C3orf20: variants seen among roughly 807,000 people sequenced by gnomAD.
C3orf20 encodes the protein family with sequence similarity 149 member C.
In C3orf20, 76 loss-of-function variants were observed where a neutral mutation model predicts 88.3. The observed-to-expected ratio is 0.86, with a 90% CI of 0.72 to 1.04. The LOEUF is 1.04. C3orf20 is among the 50% of genes least tolerant of loss of function. The pLI, the probability that C3orf20 is intolerant of heterozygous loss-of-function variation, is 0.00. For synonymous variants in C3orf20, 436 were observed against 437.4 expected, an observed-to-expected ratio of 1.00 and a Z score of 0.04; for missense variants, 1,056 against 1,123.3, an observed-to-expected ratio of 0.94 and a Z score of 0.86.
intron 9 of C3orf20, among the ~76,000 whole-genome samples, chr3:14,715,887 T>A (rs1559416510): frequency 6.6e-6 from 1 of 152,150 alleles, no homozygotes; most frequent in Non-Finnish European, 1.5e-5. Flanking sequence ...AAACTCTTTT[T>A]TCATTCATTT....
At chr3:14,692,633 G>A (rs114829709) in intron 5 of C3orf20, among the ~76,000 whole-genome samples, 31 of 151,924 alleles carry the variant, frequency 2.0e-4, no homozygotes, top group African/African-American at 5.8e-4. Flanking sequence ...ATATATTCTC[G>A]TCTGGTCAAA....
intron 1 of C3orf20, among the ~76,000 whole-genome samples, chr3:14,681,204 C>T (rs1235758175): frequency 6.6e-6 from 1 of 152,230 alleles, no homozygotes; most frequent in African/African-American, 2.4e-5. Flanking sequence ...TGATAGCCTT[C>T]TCACCACTGG....
chr3:14,696,658 G>C (rs368686738), intron 5 of C3orf20, among the ~76,000 whole-genome samples: 1 of 151,792 alleles, frequency 6.6e-6, no homozygotes, highest in Non-Finnish European at 1.5e-5. Flanking sequence ...AATTATAGGC[G>C]TGAGCCACCA....
At chr3:14,711,201 G>A (rs931564349) in intron 7 of C3orf20, among the ~76,000 whole-genome samples, 7 of 152,282 alleles carry the variant, frequency 4.6e-5, no homozygotes, top group Non-Finnish European at 7.4e-5. Context: ...AGCGGCCTAA[G>A]TCCTCTATTT....
At position 14,772,883 on chromosome 3, in the gene C3orf20, C is replaced by T. The variant is rs1356170289; in HGVS notation, c.*8C>T. 2 of 1,612,038 alleles carry T rather than the reference C, an allele frequency of 1.2e-6. No individual in the cohort carries two copies. Among genetic ancestry groups the T allele is most frequent in the Admixed American group, 1.7e-5 (1 of 60,024 alleles). On this transcript the variant is annotated 3_prime_UTR_variant, in exon 17 of 17. Transcript: ENST00000253697. The surrounding 1 kb of genome is among the most constrained non-coding windows in gnomAD (Gnocchi z 4.2). ...CAGGCCTCCAAGAAGTAGCGCCATCCTGGCAGCAGCCAAGTGAGCCAGGCC... is the reference window on the plus strand; with the variant it reads ...CAGGCCTCCAAGAAGTAGCGCCATCTTGGCAGCAGCCAAGTGAGCCAGGCC...
intron 7 of C3orf20, among the ~76,000 whole-genome samples, chr3:14,706,439 C>A (rs1207968680): frequency 6.6e-6 from 1 of 151,854 alleles, no homozygotes; most frequent in Non-Finnish European, 1.5e-5. Context: ...CTATCAGGGG[C>A]ATCAGAAAGG....
chr3:14,734,571 C>G (rs942358748), intron 12 of C3orf20, among the ~76,000 whole-genome samples: 1 of 151,958 alleles, frequency 6.6e-6, no homozygotes, highest in African/African-American at 2.4e-5. Context: ...TAATTTCAAC[C>G]CTCTGTAATT....
At chr3:14,709,907 T>C (rs2033672445) in intron 7 of C3orf20, among the ~76,000 whole-genome samples, 1 of 152,234 alleles carries the variant, frequency 6.6e-6, no homozygotes, top group South Asian at 2.1e-4. Flanking sequence ...TCAGGTCTGC[T>C]CTTCTATTTT....
rs148859823 is a variant in C3orf20, at chr3:14,690,048, T to C, written c.677T>C (p.Ile226Thr). The C allele has an allele frequency of 1.4e-4, 226 of 1,614,076 alleles. No individual in the cohort carries two copies. Among genetic ancestry groups the C allele is most frequent in the Non-Finnish European group, 4.9e-5 (58 of 1,180,038 alleles). ...AIGVNSPYQL[I>T]YHSSTACLSF... Reference sequence around the variant, plus strand: ...GGGGTGAACTCGCCTTACCAGCTGATCTACCACTCTTCCACAGCCTGTCTG... The same window carrying C: ...GGGGTGAACTCGCCTTACCAGCTGACCTACCACTCTTCCACAGCCTGTCTG... Residue 226 changes from isoleucine to threonine, a missense_variant, in exon 5 of 17, where the codon ATC becomes ACC. Physicochemically the swap from Ile to Thr is moderately conservative, Grantham distance 89. Coordinates refer to ENST00000253697, the MANE Select transcript of C3orf20 (RefSeq NM_032137.5).
intron 12 of C3orf20, among the ~76,000 whole-genome samples, chr3:14,747,021 G>T (rs1320979580): frequency 1.3e-5 from 2 of 152,216 alleles, no homozygotes; most frequent in Non-Finnish European, 2.9e-5. Flanking sequence ...TGTAGCCATT[G>T]AGTAGCATTT....
intron 12 of C3orf20, among the ~76,000 whole-genome samples, chr3:14,735,593 A>G: frequency 6.6e-6 from 1 of 151,668 alleles, no homozygotes. Context: ...AGACACTATT[A>G]TGAATTTTTT....
intron 12 of C3orf20, among the ~76,000 whole-genome samples, chr3:14,748,058 T>C (rs1219218580): frequency 6.6e-6 from 1 of 152,096 alleles, no homozygotes; most frequent in African/African-American, 2.4e-5. Flanking sequence ...GTGTTAGTTC[T>C]TCTTTAAATT....
At chr3:14,676,094 A>G (rs1411784613) in intron 1 of C3orf20, among the ~76,000 whole-genome samples, 1 of 147,370 alleles carries the variant, frequency 6.8e-6, no homozygotes, top group Admixed American at 6.8e-5. Context: ...GGTGTACTGC[A>G]TTCCTTCCCC....
intron 5 of C3orf20, among the ~76,000 whole-genome samples, chr3:14,694,999 C>T (rs948187916): frequency 1.3e-5 from 2 of 152,136 alleles, no homozygotes; most frequent in Non-Finnish European, 2.9e-5. Flanking sequence ...CCATGTTGAC[C>T]AGGCTGGTCT....
At chr3:14,765,800 G>T (rs1326520833) in intron 15 of C3orf20, among the ~76,000 whole-genome samples, 2 of 152,210 alleles carry the variant, frequency 1.3e-5, no homozygotes, top group African/African-American at 4.8e-5. Flanking sequence ...CTCAATGTGG[G>T]CCTGGAATCT....
intron 15 of C3orf20, among the ~76,000 whole-genome samples, chr3:14,762,784 C>G (rs1415667651): frequency 6.6e-6 from 1 of 151,846 alleles, no homozygotes; most frequent in Non-Finnish European, 1.5e-5. Context: ...GTACCCCCTA[C>G]TCCCACACAG....
At chr3:14,708,023 G>A (rs577885360) in intron 7 of C3orf20, among the ~76,000 whole-genome samples, 2 of 151,978 alleles carry the variant, frequency 1.3e-5, no homozygotes, top group Non-Finnish European at 2.9e-5. Context: ...TCTCCATGTT[G>A]GTCAGGCTGG....
At position 14,757,374 on chromosome 3, in the gene C3orf20, G is replaced by C; in HGVS notation, c.1944G>C (p.Gly648=). 6.2e-7 allele frequency: 1 copy of C among 1,610,490 alleles called. No homozygotes were observed. ...IHTKAKVTSR[G]KAREGRSPTR... ...TGCACTGTGCTCCTCCTTGCAGAGGGAAGGCCCGCGAGGGGCGCAGCCCCA... is the reference window on the plus strand; with the variant it reads ...TGCACTGTGCTCCTCCTTGCAGAGGCAAGGCCCGCGAGGGGCGCAGCCCCA... The change falls in exon 13 of 17, where the codon GGG becomes GGC. Residue 648 remains glycine, a synonymous_variant. Transcript: ENST00000253697.
chr3:14,680,706 C>CA (rs1169198157), intron 1 of C3orf20, among the ~76,000 whole-genome samples: 3 of 152,112 alleles, frequency 2.0e-5, no homozygotes, highest in Non-Finnish European at 4.4e-5. Flanking sequence ...AAATTAACCT[C>CA]AAAAAACAAA....
Sources: gnomAD v4.1 joint callset for allele counts (sites outside exome capture counted in the v4.1 genomes callset) on GRCh38, gnomAD v4.1.1 for gene constraint, Gnocchi (gnomAD v3.1) non-coding constraint, MANE v1.5 for transcripts, NCBI Gene and HGNC (gene_info 2026-07-23, HGNC 2026-07-21) for gene names.